Variants in ARHGAP24 observed in about 807,000 individuals in gnomAD.
ARHGAP24 encodes rho GTPase-activating protein 24.
A neutral mutation model predicts 76.4 loss-of-function variants in ARHGAP24; 50 were observed. The ratio of observed to expected loss-of-function variants is 0.65; its 90% CI spans 0.52 to 0.83. The LOEUF is 0.83. Ranked by LOEUF, ARHGAP24 falls within the 40% of genes least tolerant of loss-of-function variation. The pLI, the probability that ARHGAP24 is intolerant of heterozygous loss-of-function variation, is 0.00. For synonymous variants in ARHGAP24, 345 were observed against 323.3 expected (o/e 1.07, Z -0.72); for missense variants, 930 against 914.2 (o/e 1.02, Z -0.22).
chr4:85,688,867 G>A (rs547270296), intron 2 of ARHGAP24, among the ~76,000 whole-genome samples: 1 of 152,238 alleles, frequency 6.6e-6, no homozygotes, highest in African/African-American at 2.4e-5. Context: ...TAAGTGTGCA[G>A]CTTTATTTCT....
chr4:86,000,207 G>A lies in ARHGAP24; in HGVS notation c.2004-272G>A, dbSNP rs373164425. 3.3e-4 allele frequency: 121 copies of A among 362,524 alleles called. 1 individual carries two copies. The highest frequency in any genetic ancestry group is 2.7e-3 in the South Asian group (116 of 42,408). 22.5% of individuals were successfully genotyped at this position (362,524 alleles called of 1,614,324 possible). On this transcript the variant is annotated intron_variant, in intron 9 of 9. Transcript: ENST00000395184. ...CATGTGTTACTGGCTTATCTGTGCT[G>A]GCATTCACTTATTTACTATTAAATG...
chr4:85,954,213 T>C (rs1560742673), intron 5 of ARHGAP24, among the ~76,000 whole-genome samples: 1 of 152,186 alleles, frequency 6.6e-6, no homozygotes, highest in Non-Finnish European at 1.5e-5. Flanking sequence ...AGTTAGTAGA[T>C]AAAATGTTCA....
intron 2 of ARHGAP24, among the ~76,000 whole-genome samples, chr4:85,665,096 C>G (rs1412851124): frequency 6.6e-6 from 1 of 151,886 alleles, no homozygotes; most frequent in Non-Finnish European, 1.5e-5. Context: ...GTTTTTCTGT[C>G]TAATGTTGAC....
At chr4:85,531,642 A>G (rs898745445) in intron 1 of ARHGAP24, among the ~76,000 whole-genome samples, 11 of 152,100 alleles carry the variant, frequency 7.2e-5, no homozygotes, top group African/African-American at 2.7e-4. Context: ...TAAAATAACT[A>G]TGCAGAGTAT....
At chr4:85,775,492 A>G (rs929128583) in intron 3 of ARHGAP24, among the ~76,000 whole-genome samples, 10 of 152,172 alleles carry the variant, frequency 6.6e-5, no homozygotes, top group African/African-American at 1.9e-4. Context: ...TAGAATGAGA[A>G]CCAAGTGAAA....
intron 3 of ARHGAP24, among the ~76,000 whole-genome samples, chr4:85,762,502 A>G (rs999273771): frequency 2.6e-5 from 4 of 152,166 alleles, no homozygotes; most frequent in Non-Finnish European, 5.9e-5. Context: ...ATTATTAACA[A>G]AACTGCGTTG....
chr4:85,865,141 T>C (rs913238803), intron 3 of ARHGAP24, among the ~76,000 whole-genome samples: 3 of 152,132 alleles, frequency 2.0e-5, no homozygotes, highest in Admixed American at 2.0e-4. Flanking sequence ...TTTTCTTCTG[T>C]TGTCTTTTTT....
chr4:85,599,671 AT>A (rs371489635), intron 2 of ARHGAP24, among the ~76,000 whole-genome samples: 2,471 of 151,834 alleles, frequency 0.016, 31 homozygotes, highest in Middle Eastern at 0.034. Context: ...CTATTAAATT[AT>A]TTTTTTTTTG....
intron 2 of ARHGAP24, among the ~76,000 whole-genome samples, chr4:85,616,178 G>T (rs1720533316): frequency 6.6e-6 from 1 of 152,068 alleles, no homozygotes; most frequent in Admixed American, 6.6e-5. Context: ...AAAACCAAAG[G>T]CATGAAACTA....
At chr4:85,999,806 C>T (rs1197942438) in intron 9 of ARHGAP24, 1 of 152,120 alleles carries the variant, frequency 6.6e-6, no homozygotes, top group African/African-American at 2.4e-5. Flanking sequence ...TATAAAATAC[C>T]TATGCCCAGA....
intron 1 of ARHGAP24, among the ~76,000 whole-genome samples, chr4:85,565,169 A>G (rs1173029204): frequency 6.6e-6 from 1 of 151,732 alleles, no homozygotes; most frequent in African/African-American, 2.4e-5. Context: ...AAACCAGCCT[A>G]TTAGCAATAC....
At chr4:85,688,150 C>T (rs1179623370) in intron 2 of ARHGAP24, among the ~76,000 whole-genome samples, 3 of 152,274 alleles carry the variant, frequency 2.0e-5, no homozygotes, top group Non-Finnish European at 1.5e-5. Flanking sequence ...GATCTCCAAA[C>T]TCCTTTCAAC....
intron 2 of ARHGAP24, among the ~76,000 whole-genome samples, chr4:85,717,123 G>A (rs1724763861): frequency 6.6e-6 from 1 of 152,056 alleles, no homozygotes; most frequent in Admixed American, 6.6e-5. Flanking sequence ...ATATCACATG[G>A]TTTTGGCTCA....
chr4:85,832,130 C>A (rs1198086459), intron 3 of ARHGAP24, among the ~76,000 whole-genome samples: 1 of 152,042 alleles, frequency 6.6e-6, no homozygotes, highest in Non-Finnish European at 1.5e-5. Flanking sequence ...CAGAGGGAGC[C>A]AAAAGAAAAC....
intron 2 of ARHGAP24, among the ~76,000 whole-genome samples, chr4:85,577,665 T>C (rs1201798747): frequency 6.6e-6 from 1 of 152,178 alleles, no homozygotes; most frequent in Non-Finnish European, 1.5e-5. Flanking sequence ...GTATTAGGCA[T>C]AATTATAGTT....
chr4:85,950,073 C>T (rs1461524311), intron 5 of ARHGAP24, among the ~76,000 whole-genome samples: 1 of 152,000 alleles, frequency 6.6e-6, no homozygotes, highest in East Asian at 1.9e-4. Flanking sequence ...AGTTGAGATT[C>T]GAATGACAAG....
At chr4:85,575,743 A>G (rs1727344208) in intron 2 of ARHGAP24, among the ~76,000 whole-genome samples, 1 of 152,184 alleles carries the variant, frequency 6.6e-6, no homozygotes, top group Admixed American at 6.5e-5. Flanking sequence ...AATTTTCCTA[A>G]TGGTTTTTCA....
chr4:85,499,407 C>CA (rs1360287070), intron 1 of ARHGAP24, among the ~76,000 whole-genome samples: 1 of 152,174 alleles, frequency 6.6e-6, no homozygotes, highest in Non-Finnish European at 1.5e-5. Context: ...AGCAAGCATT[C>CA]ACATGGCTTT....
chr4:85,567,097 A>G (rs1052769269), intron 1 of ARHGAP24, among the ~76,000 whole-genome samples: 1 of 152,182 alleles, frequency 6.6e-6, no homozygotes, highest in African/African-American at 2.4e-5. Context: ...TCAGAGCCTT[A>G]TAGGCCATGG....
Sources: gnomAD v4.1 joint callset for allele counts (sites outside exome capture counted in the v4.1 genomes callset) on GRCh38, gnomAD v4.1.1 for gene constraint, MANE v1.5 for transcripts, NCBI Gene and HGNC (gene_info 2026-07-23, HGNC 2026-07-21) for gene names.